Variants in ZC3H14 observed in about 807,000 individuals in gnomAD.
ZC3H14 encodes the protein zinc finger CCCH domain-containing protein 14.
A neutral mutation model predicts 92.4 loss-of-function variants in ZC3H14; 31 were observed. That is an observed-to-expected ratio of 0.34 (90% confidence interval 0.25 to 0.45). ZC3H14 has a LOEUF of 0.45. Among genes scored for constraint, ZC3H14 ranks in the 20% least tolerant of loss-of-function variants. ZC3H14 has a pLI of 1.00. For missense variants in ZC3H14, 781 were observed against 897.3 expected, an observed-to-expected ratio of 0.87 and a Z score of 1.66; for synonymous variants, 321 against 300.9, an observed-to-expected ratio of 1.07 and a Z score of -0.69.
rs1254450758 is a variant in ZC3H14 at position 88,624,478 on chromosome 14, T to G, written c.*12727T>G. 1.9e-5 allele frequency: 3 copies of G among 154,054 alleles called. No homozygotes were observed. Among genetic ancestry groups the G allele is most frequent in the African/African-American group, 7.2e-5 (3 of 41,438 alleles). The allele number at this position is 154,054 out of a possible 1,614,324, so 9.5% of individuals were successfully genotyped here. The stretch of plus-strand genomic sequence containing the variant: ...TTGAAAATCACTCAGAAGAGACCTC[T>G]TCTCAAATTTTGAGGTCTTGTATAA... On this transcript the variant is annotated 3_prime_UTR_variant, in exon 17 of 17. Coordinates refer to ENST00000251038, the MANE Select transcript of ZC3H14 (RefSeq NM_024824.5).
chr14:88,616,069 T>C lies in ZC3H14; in HGVS notation c.*4318T>C. 1 of 1,503,400 alleles carries C rather than the reference T, an allele frequency of 6.7e-7. No individual in the cohort carries two copies. The highest frequency in any genetic ancestry group is 1.1e-5 in the South Asian group (1 of 88,022). The allele number at this position is 1,503,400 out of a possible 1,614,324, so 93.1% of individuals were successfully genotyped here. A position where few individuals can be genotyped will look rare whatever the true frequency, so the allele number is the denominator to read the frequency against. ...ACTAGCTGATTTCATAAACCAAAGC[T>C]GTAGGAGTTGTTGTATTAAGTCTCT... is the stretch of plus-strand genomic sequence containing the variant. On this transcript the variant is annotated 3_prime_UTR_variant, in exon 17 of 17. Transcript: ENST00000251038.
chr14:88,584,001 C>T (rs1345973846), intron 9 of ZC3H14, among the ~76,000 whole-genome samples: 3 of 152,156 alleles, frequency 2.0e-5, no homozygotes, highest in Non-Finnish European at 4.4e-5. Context: ...TAGGTGCATA[C>T]ATATTTAAAT....
chr14:88,602,971 C>T lies in ZC3H14; in HGVS notation c.1658C>T (p.Ser553Leu). 6.2e-7 allele frequency: 1 copy of T among 1,614,154 alleles called. No individual in the cohort carries two copies. The highest frequency in any genetic ancestry group is 2.2e-5 in the East Asian group (1 of 44,866). Reference sequence around the variant, plus strand: ...AAACCCGTAAACCAAACTGCAGCCTCAAACAAGGGACTCAGAGGTCTCCTC... The same window carrying T: ...AAACCCGTAAACCAAACTGCAGCCTTAAACAAGGGACTCAGAGGTCTCCTC... Reference protein sequence around the residue: ...GMKPVNQTAASNKGLRGLLHP... With the variant: ...GMKPVNQTAALNKGLRGLLHP... The change falls in exon 12 of 17, where the codon TCA becomes TTA. Residue 553 changes from serine (S) to leucine (L), a missense_variant. Ser to Leu is a moderately radical substitution (Grantham distance 145, BLOSUM62 -2). Around this residue, in one of 3 missense-constraint regions of ZC3H14, gnomAD observed 221 missense variants for 304.7 expected, o/e 0.73. Transcript: ENST00000251038.
chr14:88,569,430 T>G (rs1276922537), intron 3 of ZC3H14, among the ~76,000 whole-genome samples: 1 of 152,200 alleles, frequency 6.6e-6, no homozygotes, highest in Non-Finnish European at 1.5e-5. Flanking sequence ...TAGGCAACTT[T>G]GCTTTTATAC....
intron 10 of ZC3H14, among the ~76,000 whole-genome samples, chr14:88,598,755 A>G (rs2084202467): frequency 6.6e-6 from 1 of 152,208 alleles, no homozygotes; most frequent in African/African-American, 2.4e-5. Flanking sequence ...AGGTGTCTTC[A>G]GTGTAGAGGT....
At position 88,622,522 on chromosome 14, in the gene ZC3H14, T is replaced by G. The variant is rs962419783; in HGVS notation, c.*10771T>G. 2.7e-6 allele frequency: 3 copies of G among 1,109,944 alleles called. No homozygotes were observed. The African/African-American group carries it at 4.8e-5, about 18-fold the overall frequency. 68.8% of individuals were successfully genotyped at this position (1,109,944 alleles called of 1,614,324 possible). A position where few individuals can be genotyped will look rare whatever the true frequency, so the allele number is the denominator to read the frequency against. ...TTATGCATTATTAAGTATTGTTCAT[T>G]AGGCTGCAAAGGGTGAGGGAATCAC... On this transcript the variant is annotated 3_prime_UTR_variant, in exon 17 of 17. Transcript: ENST00000251038.
At chr14:88,588,785 A>G (rs953141149) in intron 9 of ZC3H14, among the ~76,000 whole-genome samples, 5 of 151,648 alleles carry the variant, frequency 3.3e-5, no homozygotes, top group Non-Finnish European at 7.4e-5. Context: ...TCAGTTGTAT[A>G]TTTTTTCTCT....
At chr14:88,603,614 G>A (rs1004973972) in intron 12 of ZC3H14, among the ~76,000 whole-genome samples, 5 of 152,140 alleles carry the variant, frequency 3.3e-5, no homozygotes, top group African/African-American at 9.7e-5. Flanking sequence ...TCTTATCACC[G>A]TTTCTTTCAC....
At position 88,610,933 on chromosome 14, in the gene ZC3H14, C is replaced by G. The variant is rs758123649; in HGVS notation, c.2197C>G (p.Gln733Glu). ...ACATGCCTTGAAATGGATTCGACCT[C>G]AAACCAGGTAAACATTCAAATTCGT... is the stretch of plus-strand genomic sequence containing the variant. ...PRHALKWIRPQTSE is the reference protein window; with the variant it reads ...PRHALKWIRPETSE Residue 733 changes from glutamine to glutamate, a missense_variant, in exon 16 of 17, where the codon CAA (glutamine) becomes GAA (glutamate). Physicochemically the swap from Gln to Glu is conservative, Grantham distance 29 (BLOSUM62 2). Around this residue, in one of 3 missense-constraint regions of ZC3H14, gnomAD observed 221 missense variants for 304.7 expected, o/e 0.73. Transcript: ENST00000251038. 2 of 1,613,926 alleles carry G rather than the reference C, an allele frequency of 1.2e-6. No homozygotes were observed. The highest frequency in any genetic ancestry group is 1.7e-6 in the Non-Finnish European group (2 of 1,179,810).
At chr14:88,595,026 G>C (rs1325442282) in intron 9 of ZC3H14, 2 of 1,613,666 alleles carry the variant, frequency 1.2e-6, no homozygotes, top group South Asian at 2.2e-5. Flanking sequence ...GCAACAGACA[G>C]TTTGAAGATC....
chr14:88,606,694 A>T (rs11628545), intron 12 of ZC3H14, among the ~76,000 whole-genome samples: 37 of 146,290 alleles, frequency 2.5e-4, no homozygotes, highest in African/African-American at 8.5e-4. Flanking sequence ...CCGAGATTAC[A>T]CCACTGGCAC....
At position 88,624,593 on chromosome 14, in the gene ZC3H14, T is replaced by G. The variant is rs1048402772; in HGVS notation, c.*12842T>G. 4 of 174,964 alleles carry G rather than the reference T, an allele frequency of 2.3e-5. No homozygotes were observed. The highest frequency in any genetic ancestry group is 9.6e-5 in the African/African-American group (4 of 41,854). The allele number at this position is 174,964 out of a possible 1,614,324, so 10.8% of individuals were successfully genotyped here. ...TCTAAAGCAACAATGTGCATTCTAC[T>G]CCTTAGAATCCATTCTGAACAAAAA... On this transcript the variant is annotated 3_prime_UTR_variant, in exon 17 of 17. Transcript: ENST00000251038.
chr14:88,596,590 T>C (rs1056817912), intron 9 of ZC3H14, 144 bp from the exon 10 acceptor site: 8 of 729,666 alleles, frequency 1.1e-5, no homozygotes, highest in South Asian at 9.4e-5. Flanking sequence ...CTTTGGTCTA[T>C]AAATACTATT....
At chr14:88,578,898 C>G (rs966977498) in intron 9 of ZC3H14, among the ~76,000 whole-genome samples, 1 of 144,000 alleles carries the variant, frequency 6.9e-6, no homozygotes, top group Non-Finnish European at 1.5e-5. Flanking sequence ...GAAAGTATCT[C>G]TCCCCTCCTC....
rs2088312574 is a variant in ZC3H14, at chr14:88,619,032, GT to G, written c.*7282del. 1 of 384,488 alleles carries G rather than the reference GT, an allele frequency of 2.6e-6. No individual in the cohort carries two copies. The highest frequency in any genetic ancestry group is 4.5e-5 in the East Asian group (1 of 22,262). 23.8% of individuals were successfully genotyped at this position (384,488 alleles called of 1,614,324 possible). On this transcript the variant is annotated 3_prime_UTR_variant, in exon 17 of 17. Coordinates refer to ENST00000251038, the MANE Select transcript of ZC3H14 (RefSeq NM_024824.5). ...TTAAATTTTAAATATTTCCCCAATT[GT>G]CATCTCCCAATTCCTTTAAAAACGT... is the stretch of plus-strand genomic sequence containing the variant.
At chr14:88,572,279 T>TGTG (rs2080524448) in intron 5 of ZC3H14, 54 bp downstream of exon 5, 5 of 1,576,838 alleles carry the variant, frequency 3.2e-6, no homozygotes, top group Non-Finnish European at 4.3e-6. Context: ...TATGTGACAT[T>TGTG]TATATTAGTT....
intron 9 of ZC3H14, among the ~76,000 whole-genome samples, chr14:88,583,354 G>GCA (rs2082135983): frequency 6.6e-6 from 1 of 152,048 alleles, no homozygotes; most frequent in African/African-American, 2.4e-5. Flanking sequence ...CTGAGCTCAA[G>GCA]CAGCCCTCTT....
chr14:88,615,706 T>C lies in ZC3H14; in HGVS notation c.*3955T>C. 1.1e-6 allele frequency: 1 copy of C among 938,364 alleles called. No individual in the cohort carries two copies. Among genetic ancestry groups the C allele is most frequent in the Non-Finnish European group, 1.6e-6 (1 of 618,732 alleles). The allele number at this position is 938,364 out of a possible 1,614,324, so 58.1% of individuals were successfully genotyped here. On this transcript the variant is annotated 3_prime_UTR_variant, in exon 17 of 17. Transcript: ENST00000251038. ...CTATTTTGATGATTCTGGGCATTTC[T>C]CCCTGTTACAGTCTTGGGTTAGCAC...
chr14:88,618,451 G>A lies in ZC3H14; in HGVS notation c.*6700G>A, dbSNP rs931449331. The A allele has an allele frequency of 2.7e-6, 3 of 1,099,880 alleles. No individual in the cohort carries two copies. The highest frequency in any genetic ancestry group is 3.9e-6 in the Non-Finnish European group (3 of 761,518). 68.1% of individuals were successfully genotyped at this position (1,099,880 alleles called of 1,614,324 possible). A position where few individuals can be genotyped will look rare whatever the true frequency, so the allele number is the denominator to read the frequency against. Reference sequence around the variant, plus strand: ...TTACATGTCTAACATTATTAAGTATGCAAAAGATCACTACAAAAACTTAAT... The same window carrying A: ...TTACATGTCTAACATTATTAAGTATACAAAAGATCACTACAAAAACTTAAT... On this transcript the variant is annotated 3_prime_UTR_variant, in exon 17 of 17. Transcript: ENST00000251038.
Sources: gnomAD v4.1 joint callset for allele counts (sites outside exome capture counted in the v4.1 genomes callset) on GRCh38, gnomAD v4.1.1 for gene constraint, gnomAD v4.1.1 regional missense constraint, MANE v1.5 for transcripts, NCBI Gene and HGNC (gene_info 2026-07-23, HGNC 2026-07-21) for gene names.